The following DNER variants were observed in gnomAD, a reference collection of about 807,000 sequenced individuals.
DNER encodes the protein delta/notch like EGF repeat containing.
Under a neutral mutation model 78.2 loss-of-function variants are expected in DNER, and 33 were observed. The observed-to-expected ratio is 0.42, with a 90% CI of 0.32 to 0.56. The LOEUF (loss-of-function observed/expected upper bound fraction) is 0.56. Among genes scored for constraint, DNER ranks in the 20% least tolerant of loss-of-function variants. The probability of loss-of-function intolerance (pLI) is 0.11; values close to 1 mark genes in which losing one functional copy is unlikely to be tolerated. For missense variants in DNER, 918 were observed against 975.3 expected (o/e 0.94, Z 0.78); for synonymous variants, 417 against 384.8 (o/e 1.08, Z -0.98).
chr2:229,477,224 T>A lies in DNER; in HGVS notation c.1177A>T (p.Ile393Phe), dbSNP rs765774752. Residue 393 changes from isoleucine to phenylalanine, a missense_variant, in exon 7 of 13, where the codon ATT (isoleucine) becomes TTT (phenylalanine). Transcript: ENST00000341772. The stretch of plus-strand genomic sequence containing the variant: ...CATGGGTCTAGGATGCAGTAATCAA[T>A]CTTGGACTGGCAAAGCTCTCCAGTA... ...GYTGELCQSK[I>F]DYCILDPCRN... 24 of 1,613,634 alleles carry A rather than the reference T, an allele frequency of 1.5e-5. No homozygotes were observed. Among genetic ancestry groups the A allele is most frequent in the Non-Finnish European group, 2.0e-5 (24 of 1,179,844 alleles).
intron 10 of DNER, among the ~76,000 whole-genome samples, chr2:229,394,600 T>C (rs898926827): frequency 2.6e-5 from 4 of 152,100 alleles, no homozygotes; most frequent in African/African-American, 9.7e-5. Context: ...TTTTAGACGC[T>C]TGTGTGTGGG....
intron 8 of DNER, among the ~76,000 whole-genome samples, chr2:229,434,066 T>A (rs928319050): frequency 1.5e-4 from 23 of 152,344 alleles, no homozygotes; most frequent in Admixed American, 5.2e-4. Flanking sequence ...AGAGGTGGCC[T>A]CATAGATACA....
chr2:229,455,980 A>G (rs1170203905), intron 7 of DNER, among the ~76,000 whole-genome samples: 1 of 152,082 alleles, frequency 6.6e-6, no homozygotes, highest in Non-Finnish European at 1.5e-5. Context: ...CCTAACCAGC[A>G]CTCTGTGCTG....
chr2:229,690,484 A>G (rs721528), intron 1 of DNER, among the ~76,000 whole-genome samples: 56,632 of 152,122 alleles, frequency 0.37, 11,087 homozygotes, highest in East Asian at 0.71. Flanking sequence ...GCTATGCCCA[A>G]TGCCAGGATC....
At chr2:229,446,726 T>C (rs1395697445) in intron 8 of DNER, among the ~76,000 whole-genome samples, 1 of 152,192 alleles carries the variant, frequency 6.6e-6, no homozygotes, top group Non-Finnish European at 1.5e-5. Context: ...ACCTCCATAA[T>C]TAAAAATCTG....
In DNER at chr2:229,702,916, CA is replaced by C. The variant is rs775005338; in HGVS notation, c.276+11231del. ...TGGGGGACACAGCGAGACTCCGCCTCAAAAAAAAAAAAAAAAAAAAGAATCC... is the reference window on the plus strand; with the variant it reads ...TGGGGGACACAGCGAGACTCCGCCTCAAAAAAAAAAAAAAAAAAAGAATCC... On this transcript the variant is annotated intron_variant, in intron 1 of 12. Coordinates refer to ENST00000341772, the MANE Select transcript of DNER (RefSeq NM_139072.4). Among the ~76,000 whole-genome samples, 873 of 103,870 alleles carry C rather than the reference CA, an allele frequency of 8.4e-3. 8 individuals are homozygous for C. Among genetic ancestry groups the C allele is most frequent in the African/African-American group, 0.031 (802 of 25,728 alleles). The allele number at this position is 103,870 out of a possible 152,430, so 68.1% of individuals were successfully genotyped here. A position where few individuals can be genotyped will look rare whatever the true frequency, so the allele number is the denominator to read the frequency against.
intron 6 of DNER, among the ~76,000 whole-genome samples, chr2:229,499,545 T>A (rs775426724): frequency 2.6e-5 from 4 of 151,686 alleles, no homozygotes; most frequent in Non-Finnish European, 5.9e-5. Flanking sequence ...AGAATGAAAT[T>A]GGACTCTGAT....
chr2:229,701,678 CAGG>C (rs1483967907), intron 1 of DNER: 1 of 152,178 alleles, frequency 6.6e-6, no homozygotes, highest in African/African-American at 2.4e-5. Flanking sequence ...AGCCATTCCC[CAGG>C]AGAATATCTA....
chr2:229,573,930 C>A (rs181409499), intron 4 of DNER, among the ~76,000 whole-genome samples: 51 of 152,282 alleles, frequency 3.3e-4, no homozygotes, highest in Admixed American at 2.7e-3. Context: ...TGTGATGAAA[C>A]CACTTAAATA....
At chr2:229,610,768 A>C (rs530170446) in intron 1 of DNER, among the ~76,000 whole-genome samples, 1 of 152,358 alleles carries the variant, frequency 6.6e-6, no homozygotes, top group East Asian at 1.9e-4. Context: ...CATCTTAAAG[A>C]ACCATAAGAG....
intron 1 of DNER, among the ~76,000 whole-genome samples, chr2:229,630,171 CTCACAAAAAATAAAACCT>C (rs1165941657): frequency 6.6e-6 from 1 of 152,120 alleles, no homozygotes; most frequent in African/African-American, 2.4e-5. Context: ...GTGTTATAGA[CTCACAAAAAATAAAACCT>C]TCTGGGCCAG....
chr2:229,712,535 C>T (rs1444600991), intron 1 of DNER, among the ~76,000 whole-genome samples: 3 of 152,178 alleles, frequency 2.0e-5, no homozygotes, highest in Admixed American at 1.3e-4. Flanking sequence ...AAAATTCAGA[C>T]GTGTGAATAT....
At chr2:229,402,647 C>A (rs527746625) in intron 10 of DNER, among the ~76,000 whole-genome samples, 1 of 152,322 alleles carries the variant, frequency 6.6e-6, no homozygotes, top group African/African-American at 2.4e-5. Flanking sequence ...TGTCAATGGG[C>A]TTGGAAGAAT....
intron 1 of DNER, among the ~76,000 whole-genome samples, chr2:229,684,474 A>G (rs1381713944): frequency 6.6e-6 from 1 of 151,740 alleles, no homozygotes; most frequent in Non-Finnish European, 1.5e-5. Flanking sequence ...ACCCACTCCC[A>G]TCCTTTCTCT....
chr2:229,689,469 G>C (rs1161606230), intron 1 of DNER, among the ~76,000 whole-genome samples: 1 of 152,036 alleles, frequency 6.6e-6, no homozygotes, highest in Non-Finnish European at 1.5e-5. Context: ...TGAGATGAGA[G>C]CATTCACATC....
intron 6 of DNER, among the ~76,000 whole-genome samples, chr2:229,494,731 G>T (rs970991584): frequency 2.0e-5 from 3 of 152,128 alleles, no homozygotes; most frequent in African/African-American, 7.2e-5. Context: ...TTACAGCCCC[G>T]CTGATCTCTG....
chr2:229,544,691 C>A (rs1696585438), intron 5 of DNER, among the ~76,000 whole-genome samples: 2 of 151,928 alleles, frequency 1.3e-5, no homozygotes, highest in Admixed American at 1.3e-4. Flanking sequence ...CACCACCACG[C>A]CTGGCTAATT....
chr2:229,363,765 C>G (rs964274973), intron 12 of DNER, among the ~76,000 whole-genome samples: 3 of 152,122 alleles, frequency 2.0e-5, no homozygotes, highest in Non-Finnish European at 4.4e-5. Context: ...TCAGCAGAAT[C>G]TATCTTAAAC....
At chr2:229,587,446 T>C (rs1165332594) in intron 3 of DNER, among the ~76,000 whole-genome samples, 1 of 152,194 alleles carries the variant, frequency 6.6e-6, no homozygotes, top group African/African-American at 2.4e-5. Context: ...AAGAGCAATG[T>C]AACAAAGTCC....
Sources: allele counts gnomAD v4.1 joint callset (sites outside exome capture counted in the v4.1 genomes callset), GRCh38; gene constraint gnomAD v4.1.1; transcripts MANE v1.5; gene names NCBI Gene and HGNC (gene_info 2026-07-23, HGNC 2026-07-21).